Variants in CDH13 observed in about 807,000 individuals in gnomAD.
The protein encoded by CDH13 is cadherin-13.
Under a neutral mutation model 63.8 loss-of-function variants are expected in CDH13, and 24 were observed. The ratio of observed to expected loss-of-function variants is 0.38; its 90% CI spans 0.27 to 0.53. The LOEUF (loss-of-function observed/expected upper bound fraction) is 0.53, where lower values mean the gene tolerates loss of function less well. Among genes scored for constraint, CDH13 ranks in the 20% least tolerant of loss-of-function variants. The probability of loss-of-function intolerance (pLI) is 0.85; values close to 1 mark genes in which losing one functional copy is unlikely to be tolerated. For missense variants in CDH13, 1,049 were observed against 903.1 expected (o/e 1.16, Z -2.07); for synonymous variants, 503 against 355.3 (o/e 1.42, Z -4.67).
rs1598605574 is a variant in CDH13, at chr16:83,730,323, A to G, written c.1539-17785A>G. Among the ~76,000 whole-genome samples the G allele has an allele frequency of 2.0e-5, 3 of 152,296 alleles. No homozygotes were observed. The South Asian group carries it at 6.2e-4, about 32-fold the overall frequency. ...CTTGCGCAAAGGGGGACCTCATTTG[A>G]TGTTATTAACCTGGCATTCCCCAGT... On this transcript the variant is annotated intron_variant, in intron 10 of 13. Coordinates refer to ENST00000567109, the MANE Select transcript of CDH13 (RefSeq NM_001257.5).
At chr16:83,790,031 A>C (rs1916156923) in intron 13 of CDH13, 1 of 152,178 alleles carries the variant, frequency 6.6e-6, no homozygotes, top group African/African-American at 2.4e-5. Context: ...GCAAGAAAAA[A>C]TACTCAGATC....
At chr16:82,801,263 A>G (rs2036841096) in intron 1 of CDH13, among the ~76,000 whole-genome samples, 1 of 152,192 alleles carries the variant, frequency 6.6e-6, no homozygotes, top group African/African-American at 2.4e-5. Flanking sequence ...CCACTCTGCT[A>G]TCAGCCTGTT....
At chr16:83,210,016 G>A (rs1482051090) in intron 4 of CDH13, among the ~76,000 whole-genome samples, 1 of 152,088 alleles carries the variant, frequency 6.6e-6, no homozygotes, top group African/African-American at 2.4e-5. Flanking sequence ...GAAGAGCTCT[G>A]AGATTTTACC....
intron 1 of CDH13, among the ~76,000 whole-genome samples, chr16:82,707,066 C>T (rs985348601): frequency 4.6e-5 from 7 of 152,142 alleles, no homozygotes; most frequent in Non-Finnish European, 1.0e-4. Flanking sequence ...GTGGACCATC[C>T]CCTGTTTGGC....
chr16:82,824,255 A>C (rs959727043), intron 1 of CDH13: 1 of 152,202 alleles, frequency 6.6e-6, no homozygotes, highest in Admixed American at 6.5e-5. Context: ...AAAATTATTT[A>C]TAGGTTACCT....
chr16:83,407,302 A>G (rs886456333), intron 6 of CDH13, among the ~76,000 whole-genome samples: 1 of 152,238 alleles, frequency 6.6e-6, no homozygotes. Flanking sequence ...TTTGAAATAC[A>G]CACAGTTGAA....
chr16:83,287,576 TCTGTCACTGTCTCC>T (rs2089350582), intron 5 of CDH13, among the ~76,000 whole-genome samples: 1 of 152,206 alleles, frequency 6.6e-6, no homozygotes, highest in South Asian at 2.1e-4. Context: ...TGCCTGATGG[TCTGTCACTGTCTCC>T]CATCACCCCC....
chr16:83,234,730 T>A (rs1036565320), intron 5 of CDH13, among the ~76,000 whole-genome samples: 2 of 152,236 alleles, frequency 1.3e-5, no homozygotes, highest in African/African-American at 2.4e-5. Context: ...CTGGAGCTTA[T>A]AGTCCTAAGG....
chr16:83,292,316 C>G (rs2089484426), intron 5 of CDH13, among the ~76,000 whole-genome samples: 1 of 152,084 alleles, frequency 6.6e-6, no homozygotes, highest in African/African-American at 2.4e-5. Flanking sequence ...GAGTTCTGCT[C>G]TTCTTCTCAT....
chr16:83,369,605 C>T (rs536841526), intron 6 of CDH13, among the ~76,000 whole-genome samples: 2 of 152,144 alleles, frequency 1.3e-5, no homozygotes, highest in South Asian at 2.1e-4. Context: ...ATTTATTTTT[C>T]GTACAGATGG....
intron 7 of CDH13, among the ~76,000 whole-genome samples, chr16:83,569,440 A>C (rs1904366432): frequency 6.6e-6 from 1 of 152,232 alleles, no homozygotes; most frequent in Admixed American, 6.5e-5. Flanking sequence ...TTTGCAGTGG[A>C]TACTGGGCTG....
intron 6 of CDH13, among the ~76,000 whole-genome samples, chr16:83,414,372 T>C (rs2092170338): frequency 6.6e-6 from 1 of 152,228 alleles, no homozygotes; most frequent in Non-Finnish European, 1.5e-5. Flanking sequence ...CACAGTCTGA[T>C]TTTATATTTT....
intron 5 of CDH13, among the ~76,000 whole-genome samples, chr16:83,291,530 C>T (rs186880158): frequency 6.6e-6 from 1 of 152,148 alleles, no homozygotes; most frequent in Admixed American, 6.5e-5. Context: ...CTCAGAATAG[C>T]ATTTGCGTTT....
chr16:83,343,253 A>G (rs1415021055), intron 5 of CDH13, among the ~76,000 whole-genome samples: 2 of 152,188 alleles, frequency 1.3e-5, no homozygotes. Flanking sequence ...CCATATTTGT[A>G]GGTCATGTAT....
At chr16:83,611,818 G>T (rs1364088599) in intron 8 of CDH13, among the ~76,000 whole-genome samples, 1 of 151,976 alleles carries the variant, frequency 6.6e-6, no homozygotes, top group African/African-American at 2.4e-5. Flanking sequence ...TGACATATTT[G>T]GGAGTGTTTT....
intron 7 of CDH13, among the ~76,000 whole-genome samples, chr16:83,491,858 A>G (rs1194898855): frequency 6.6e-6 from 1 of 151,778 alleles, no homozygotes; most frequent in Non-Finnish European, 1.5e-5. Context: ...GAAACTTTAT[A>G]ATGCCCAAAT....
intron 2 of CDH13, among the ~76,000 whole-genome samples, chr16:82,999,139 T>G (rs898741483): frequency 6.6e-6 from 1 of 152,202 alleles, no homozygotes; most frequent in African/African-American, 2.4e-5. Flanking sequence ...TGTTACATTC[T>G]TTGGACTTGT....
chr16:83,599,810 A>G lies in CDH13; in HGVS notation c.961-2644A>G, dbSNP rs1017740886. Among the ~76,000 whole-genome samples, 5 of 152,306 alleles carry G rather than the reference A, an allele frequency of 3.3e-5. No individual in the cohort carries two copies. In the East Asian group the frequency reaches 5.8e-4, roughly 18 times the overall value. ...TTTTGTCAGTAATTGTGTGCTTTCA[A>G]AAATAAGTAACAATGTTTTATGACA... is the stretch of plus-strand genomic sequence containing the variant. On this transcript the variant is annotated intron_variant, in intron 7 of 13. Transcript: ENST00000567109.
At chr16:83,736,092 C>A (rs1193108850) in intron 10 of CDH13, among the ~76,000 whole-genome samples, 1 of 152,166 alleles carries the variant, frequency 6.6e-6, no homozygotes, top group African/African-American at 2.4e-5. Context: ...GCCACCCAAT[C>A]TGGATACATG....
Sources: gnomAD v4.1 joint callset for allele counts (sites outside exome capture counted in the v4.1 genomes callset) on GRCh38, gnomAD v4.1.1 for gene constraint, MANE v1.5 for transcripts, NCBI Gene and HGNC (gene_info 2026-07-23, HGNC 2026-07-21) for gene names.